Variants in PRH1 observed in about 807,000 individuals in gnomAD.
The protein encoded by PRH1 is salivary acidic proline-rich phosphoprotein 1/2.
Under a neutral mutation model 7.9 loss-of-function variants are expected in PRH1, and 7 were observed. The observed-to-expected ratio is 0.89, with a 90% CI of 0.50 to 1.67. PRH1 has a LOEUF of 1.67. PRH1 is among the 40% of genes most tolerant of loss of function. PRH1 has a pLI of 0.00. For missense variants in PRH1, 109 were observed against 223.6 expected (o/e 0.49, Z 3.27); for synonymous variants, 45 against 80.8 (o/e 0.56, Z 2.38).
At chr12:11,022,181 C>T in intron 1 of PRH1, 1 of 1,614,022 alleles carries the variant, frequency 6.2e-7, no homozygotes, top group Non-Finnish European at 8.5e-7. Flanking sequence ...AACAGTATCA[C>T]CAGAACAACA....
chr12:10,929,866 G>A lies in PRH1; in HGVS notation c.-59+43789C>T, dbSNP rs149662024. ...GTAGTATTTTAATGTGCTGGGACGGGCATTTGTAAGATTGTATCTAAGTGG... is the reference window on the plus strand; with the variant it reads ...GTAGTATTTTAATGTGCTGGGACGGACATTTGTAAGATTGTATCTAAGTGG... On this transcript the variant is annotated intron_variant, in intron 2 of 3. Transcript: ENST00000539853. 2.3e-3 allele frequency among the ~76,000 whole-genome samples: 349 copies of A among 152,280 alleles called. 1 individual carries two copies. The highest frequency in any genetic ancestry group is 7.9e-3 in the African/African-American group (328 of 41,558).
chr12:10,939,679 T>C (rs921571399), intron 2 of PRH1, among the ~76,000 whole-genome samples: 2 of 151,962 alleles, frequency 1.3e-5, no homozygotes, highest in Non-Finnish European at 2.9e-5. Flanking sequence ...ACTTCCGTGT[T>C]TGGGTGGAGA....
chr12:11,059,548 GA>G (rs1228405987), intron 1 of PRH1, among the ~76,000 whole-genome samples: 1 of 146,504 alleles, frequency 6.8e-6, no homozygotes, highest in African/African-American at 2.5e-5. Flanking sequence ...ATTCACAATA[GA>G]AAAAAATACA....
chr12:10,944,963 G>A lies in PRH1; in HGVS notation c.-59+28692C>T, dbSNP rs2135901616. Reference sequence around the variant, plus strand: ...TGGGCTTGTGGATTCAGTTTGCAAAGGTTTTGTTGAGGATTTTTGCATCGA... The same window carrying A: ...TGGGCTTGTGGATTCAGTTTGCAAAAGTTTTGTTGAGGATTTTTGCATCGA... On this transcript the variant is annotated intron_variant, in intron 2 of 3. Coordinates refer to the PRH1 transcript ENST00000539853. Among the ~76,000 whole-genome samples the A allele has an allele frequency of 1.3e-5, 2 of 152,088 alleles. 1 individual carries two copies.
Position 11,091,567 on chromosome 12 carries a change from G to C in PRH1, n.124-44379C>G, listed in dbSNP as rs35720106. 0.39 allele frequency: 536,124 copies of C among 1,374,296 alleles called. 94,310 individuals are homozygous for C. Among genetic ancestry groups the C allele is most frequent in the East Asian group, 0.6 (25,630 of 42,386 alleles). The allele number at this position is 1,374,296 out of a possible 1,614,324, so 85.1% of individuals were successfully genotyped here. A position where few individuals can be genotyped will look rare whatever the true frequency, so the allele number is the denominator to read the frequency against. On this transcript the variant is annotated intron_variant and non_coding_transcript_variant, in intron 1 of 4. Transcript: ENST00000541977. Reference sequence around the variant, plus strand: ...TTTGCAAAGCTTTTATGTGGACCTTGGTGCTGGGATCTTGAGATCCTTTAC... The same window carrying C: ...TTTGCAAAGCTTTTATGTGGACCTTCGTGCTGGGATCTTGAGATCCTTTAC...
chr12:10,994,042 A>AATT (rs1940078404), intron 1 of PRH1, among the ~76,000 whole-genome samples: 2 of 152,220 alleles, frequency 1.3e-5, no homozygotes, highest in Admixed American at 6.5e-5. Context: ...CAACAGTGGA[A>AATT]ATTATATGCT....
intron 1 of PRH1, among the ~76,000 whole-genome samples, chr12:10,992,649 G>A (rs1044730906): frequency 6.6e-6 from 1 of 152,152 alleles, no homozygotes; most frequent in Non-Finnish European, 1.5e-5. Context: ...CTGGCCTCAA[G>A]TGCTCCTCCC....
rs201819146 is a variant in PRH1, at chr12:10,986,731, C to T, written c.-125-13010G>A. ...GCCAGAGCAGTGAGAATTTGGTCAG[C>T]TGAGGAGATCTTTTTTCTCTTCACC... is the stretch of plus-strand genomic sequence containing the variant. On this transcript the variant is annotated intron_variant, in intron 1 of 3. Transcript: ENST00000539853. The T allele has an allele frequency of 1.9e-6, 3 of 1,612,844 alleles. No homozygotes were observed. In the Admixed American group the frequency reaches 5.0e-5, roughly 27 times the overall value.
At chr12:10,944,972 G>A (rs1382804970) in intron 2 of PRH1, among the ~76,000 whole-genome samples, 1 of 152,100 alleles carries the variant, frequency 6.6e-6, no homozygotes, top group African/African-American at 2.4e-5. Flanking sequence ...AGGTTTTGTT[G>A]AGGATTTTTG....
At chr12:11,082,017 A>G (rs1944515102) in intron 1 of PRH1, among the ~76,000 whole-genome samples, 1 of 117,436 alleles carries the variant, frequency 8.5e-6, no homozygotes, top group Non-Finnish European at 2.0e-5. Flanking sequence ...ACTACACTAC[A>G]CTTAACTTTC....
intron 2 of PRH1, among the ~76,000 whole-genome samples, chr12:10,940,022 A>C (rs3851586): frequency 5.3e-5 from 8 of 152,150 alleles, no homozygotes; most frequent in Admixed American, 1.3e-4. Context: ...AATAAAGAAA[A>C]TAAAGAAAAA....
chr12:11,134,337 C>G, intron 1 of PRH1: 1 of 1,244,960 alleles, frequency 8.0e-7, no homozygotes, highest in Non-Finnish European at 1.1e-6. Context: ...CTATATGCAC[C>G]TGATTTGTGT....
rs1319880384 is a variant in PRH1 at position 11,026,369 on chromosome 12, C to T, written c.-126+20651G>A. Among the ~76,000 whole-genome samples the T allele has an allele frequency of 4.7e-5, 7 of 149,838 alleles. No individual in the cohort carries two copies. The East Asian group carries it at 5.9e-4, about 13-fold the overall frequency. ...GAAGGTCAGATACTACCTAGAGCTT[C>T]GGCTCATGTCCATTCCAAGGTGGAG... On this transcript the variant is annotated intron_variant, in intron 1 of 3. Transcript: ENST00000539853.
intron 1 of PRH1, among the ~76,000 whole-genome samples, chr12:11,144,210 G>T (rs1565699795): frequency 6.6e-6 from 1 of 151,186 alleles, no homozygotes; most frequent in East Asian, 1.9e-4. Context: ...ACCATCAGGT[G>T]GGGGCAGGGC....
chr12:11,136,866 A>G (rs1188541442), intron 1 of PRH1, among the ~76,000 whole-genome samples: 1 of 152,182 alleles, frequency 6.6e-6, no homozygotes, highest in African/African-American at 2.4e-5. Flanking sequence ...AATAAATGAA[A>G]ATGTGAGCCA....
chr12:11,050,119 C>T (rs536011662), upstream of PRH1, among the ~76,000 whole-genome samples: 11 of 151,824 alleles, frequency 7.2e-5, no homozygotes, highest in East Asian at 1.9e-4. Context: ...AATCCTGTGG[C>T]GCCAGAGGAA....
chr12:10,918,567 T>C (rs1197882367), intron 2 of PRH1, among the ~76,000 whole-genome samples: 6 of 152,222 alleles, frequency 3.9e-5, no homozygotes, highest in Non-Finnish European at 8.8e-5. Context: ...TTATAATCTA[T>C]ATAAACATTT....
chr12:10,966,704 T>C (rs980186496), intron 2 of PRH1, among the ~76,000 whole-genome samples: 11 of 152,096 alleles, frequency 7.2e-5, no homozygotes, highest in Admixed American at 1.3e-4. Context: ...CTAACTGATA[T>C]AGGTACTCTG....
chr12:11,097,734 T>A (rs1447370280), intron 1 of PRH1, among the ~76,000 whole-genome samples: 1 of 114,176 alleles, frequency 8.8e-6, no homozygotes. Flanking sequence ...TAGATGAAGA[T>A]ATAGATGATG....
Sources: allele counts gnomAD v4.1 joint callset (sites outside exome capture counted in the v4.1 genomes callset), GRCh38; gene constraint gnomAD v4.1.1; transcripts MANE v1.5; gene names NCBI Gene and HGNC (gene_info 2026-07-23, HGNC 2026-07-21).